CDH12: variants seen among roughly 807,000 people sequenced by gnomAD.
CDH12 encodes the protein cadherin 12.
CDH12 carries 41 observed loss-of-function variants against 74.1 expected under a neutral mutation model. The ratio of observed to expected loss-of-function variants is 0.55; its 90% confidence interval spans 0.43 to 0.72. The LOEUF (loss-of-function observed/expected upper bound fraction) is 0.72, where lower values mean the gene tolerates loss of function less well. Ranked by LOEUF, CDH12 falls within the 30% of genes least tolerant of loss-of-function variation. The pLI is 0.00. For missense variants in CDH12, 945 were observed against 977.2 expected (o/e 0.97, Z 0.44); for synonymous variants, 399 against 355.0 (o/e 1.12, Z -1.39).
intron 12 of CDH12, among the ~76,000 whole-genome samples, chr5:21,762,329 A>G (rs1744771493): frequency 6.6e-6 from 1 of 152,152 alleles, no homozygotes; most frequent in South Asian, 2.1e-4. Context: ...GTACTGATTT[A>G]CATAGCATAA....
intron 1 of CDH12, among the ~76,000 whole-genome samples, chr5:22,604,730 C>A (rs1420750845): frequency 6.6e-6 from 1 of 152,202 alleles, no homozygotes; most frequent in Non-Finnish European, 1.5e-5. Context: ...AGCCATGTGG[C>A]AGAGAGGTCT....
chr5:22,209,359 G>GT (rs1409666740), intron 4 of CDH12, among the ~76,000 whole-genome samples: 1 of 152,138 alleles, frequency 6.6e-6, no homozygotes, highest in Non-Finnish European at 1.5e-5. Flanking sequence ...ATGTAAGTCT[G>GT]TTTTTTCTGA....
At chr5:22,054,339 A>G (rs962784408) in intron 5 of CDH12, among the ~76,000 whole-genome samples, 2 of 152,244 alleles carry the variant, frequency 1.3e-5, no homozygotes, top group East Asian at 3.9e-4. Context: ...TCTCACATTC[A>G]TATATATAGA....
chr5:22,811,376 G>A (rs1180659347), intron 1 of CDH12, among the ~76,000 whole-genome samples: 5 of 152,154 alleles, frequency 3.3e-5, no homozygotes, highest in African/African-American at 1.2e-4. Flanking sequence ...TGAGCAGAAA[G>A]AGAGAACCTA....
intron 3 of CDH12, among the ~76,000 whole-genome samples, chr5:22,359,147 G>C (rs3112476): frequency 0.043 from 6,510 of 152,128 alleles, 313 homozygotes; most frequent in East Asian, 0.12. Context: ...ACTGGATAAA[G>C]AGTCAAGACT....
intron 1 of CDH12, among the ~76,000 whole-genome samples, chr5:22,554,650 A>G (rs1738719941): frequency 1.3e-5 from 2 of 152,122 alleles, no homozygotes. Context: ...GACTCAGTGT[A>G]TCTTTGTCAG....
At chr5:21,962,081 A>G (rs1468641431) in intron 6 of CDH12, among the ~76,000 whole-genome samples, 2 of 152,114 alleles carry the variant, frequency 1.3e-5, no homozygotes, top group Non-Finnish European at 2.9e-5. Context: ...TACCCTTCAT[A>G]CATGTATTCC....
At chr5:22,277,684 A>C (rs1256374471) in intron 3 of CDH12, among the ~76,000 whole-genome samples, 1 of 151,616 alleles carries the variant, frequency 6.6e-6, no homozygotes, top group Non-Finnish European at 1.5e-5. Flanking sequence ...AATACAAAAA[A>C]TCAGCCAGGC....
chr5:21,852,699 C>T (rs1750537095), intron 7 of CDH12, among the ~76,000 whole-genome samples: 2 of 151,334 alleles, frequency 1.3e-5, no homozygotes, highest in Non-Finnish European at 3.0e-5. Context: ...ATAAACTCAC[C>T]TACTTTATAG....
chr5:22,399,291 T>G (rs903583082), intron 3 of CDH12, among the ~76,000 whole-genome samples: 1 of 152,070 alleles, frequency 6.6e-6, no homozygotes, highest in African/African-American at 2.4e-5. Context: ...ACCTAAGAGA[T>G]GTATATGTGG....
chr5:22,761,438 T>A (rs2127056180), intron 1 of CDH12, among the ~76,000 whole-genome samples: 1 of 152,274 alleles, frequency 6.6e-6, no homozygotes, highest in Non-Finnish European at 1.5e-5. Context: ...CATGCCACGG[T>A]GTGCCCCCCA....
Position 21,990,257 on chromosome 5 carries a change from G to A in CDH12, c.232-14872C>T, listed in dbSNP as rs564270726. Among the ~76,000 whole-genome samples, 6 of 152,188 alleles carry A rather than the reference G, an allele frequency of 3.9e-5. No individual in the cohort carries two copies. The South Asian group carries it at 1.2e-3, about 32-fold the overall frequency. ...AAAGGAATGAATGCATGCACATATA[G>A]CAAGCCCATCTTTAAATTTTGTTGT... is the stretch of plus-strand genomic sequence containing the variant. On this transcript the variant is annotated intron_variant, in intron 5 of 14. Coordinates refer to ENST00000382254, the MANE Select transcript of CDH12 (RefSeq NM_004061.5).
intron 1 of CDH12, among the ~76,000 whole-genome samples, chr5:22,522,879 T>C (rs1737115167): frequency 6.6e-6 from 1 of 152,128 alleles, no homozygotes; most frequent in Non-Finnish European, 1.5e-5. Flanking sequence ...ACTCCCCTAA[T>C]TCCTCAAACT....
chr5:21,896,929 A>G (rs773368320), intron 6 of CDH12, among the ~76,000 whole-genome samples: 11 of 152,226 alleles, frequency 7.2e-5, no homozygotes, highest in South Asian at 6.2e-4. Context: ...AAGTCAAAGG[A>G]AAATAAATAG....
intron 3 of CDH12, among the ~76,000 whole-genome samples, chr5:22,402,750 T>A (rs976761138): frequency 6.6e-6 from 1 of 152,096 alleles, no homozygotes; most frequent in African/African-American, 2.4e-5. Flanking sequence ...CTGAACAAAC[T>A]TTTGTTGAAA....
At chr5:21,944,725 C>T (rs962324579) in intron 6 of CDH12, among the ~76,000 whole-genome samples, 1 of 152,110 alleles carries the variant, frequency 6.6e-6, no homozygotes, top group African/African-American at 2.4e-5. Context: ...CCCCTACTCA[C>T]CCCCTCCCTG....
chr5:22,095,376 G>A (rs369169541), intron 4 of CDH12, among the ~76,000 whole-genome samples: 47 of 152,146 alleles, frequency 3.1e-4, no homozygotes, highest in African/African-American at 5.1e-4. Flanking sequence ...CCAAAACTCC[G>A]GCGCCGGTCA....
intron 1 of CDH12, among the ~76,000 whole-genome samples, chr5:22,625,891 G>A (rs1484671555): frequency 1.3e-5 from 2 of 151,958 alleles, no homozygotes. Flanking sequence ...TGCCTTGCCG[G>A]CACACACTTG....
chr5:22,181,462 T>C (rs1176540495), intron 4 of CDH12, among the ~76,000 whole-genome samples: 2 of 152,174 alleles, frequency 1.3e-5, no homozygotes, highest in Non-Finnish European at 2.9e-5. Context: ...TTTGCCTTTT[T>C]TTCTTAGAGA....
Sources: allele counts gnomAD v4.1 joint callset (sites outside exome capture counted in the v4.1 genomes callset), GRCh38; gene constraint gnomAD v4.1.1; transcripts MANE v1.5; gene names NCBI Gene and HGNC (gene_info 2026-07-23, HGNC 2026-07-21).